GLMN: variants seen among roughly 807,000 people sequenced by gnomAD.
GLMN encodes glomulin, FKBP associated protein, also known as glomulin.
A neutral mutation model predicts 87.8 loss-of-function variants in GLMN; 75 were observed. That is an observed-to-expected ratio of 0.85 (90% CI 0.71 to 1.04). The LOEUF is 1.04. Among genes scored for constraint, GLMN ranks in the 50% least tolerant of loss-of-function variants. GLMN has a pLI of 0.00. For synonymous variants in GLMN, 206 were observed against 221.6 expected, an observed-to-expected ratio of 0.93 and a Z score of 0.63; for missense variants, 588 against 658.8, an observed-to-expected ratio of 0.89 and a Z score of 1.18.
chr1:92,264,187 C>T (rs1460922109), intron 14 of GLMN, among the ~76,000 whole-genome samples: 2 of 152,096 alleles, frequency 1.3e-5, no homozygotes, highest in East Asian at 1.9e-4. Context: ...CTGGTGGACA[C>T]CTGTAGTCCC....
chr1:92,300,663 A>G (rs1278576790), upstream of GLMN, among the ~76,000 whole-genome samples: 1 of 152,266 alleles, frequency 6.6e-6, no homozygotes, highest in Non-Finnish European at 1.5e-5. Flanking sequence ...ATATTACCAC[A>G]TATCACACAG....
At chr1:92,298,743 T>G (rs1445482985) in intron 1 of GLMN, among the ~76,000 whole-genome samples, 182 bp downstream of exon 1, 1 of 151,744 alleles carries the variant, frequency 6.6e-6, no homozygotes, top group African/African-American at 2.4e-5. Flanking sequence ...GGAAGGCGAG[T>G]GAACACCCCA....
the GLMN span, among the ~76,000 whole-genome samples, chr1:92,359,625 C>G: frequency 6.6e-6 from 1 of 152,200 alleles, no homozygotes; most frequent in African/African-American, 2.4e-5. Flanking sequence ...TGGCAATGCA[C>G]TTGGTTTTAT....
chr1:92,283,401 C>T (rs1648323244), intron 7 of GLMN, among the ~76,000 whole-genome samples: 1 of 152,138 alleles, frequency 6.6e-6, no homozygotes, highest in African/African-American at 2.4e-5. Flanking sequence ...CAGAAAAGGC[C>T]TTGGATAAAA....
the GLMN span, among the ~76,000 whole-genome samples, chr1:92,364,487 C>T: frequency 1.9e-3 from 284 of 152,170 alleles, 1 homozygote; most frequent in African/African-American, 6.1e-3. Context: ...TCTCCTAAAT[C>T]GTAGACCAAA....
the GLMN span, among the ~76,000 whole-genome samples, chr1:92,339,435 T>G: frequency 6.6e-6 from 1 of 151,368 alleles, no homozygotes; most frequent in Non-Finnish European, 1.5e-5. Context: ...TAGTCAAAGC[T>G]GAGAACCTAC....
chr1:92,344,576 A>T, the GLMN span, among the ~76,000 whole-genome samples: 2 of 151,320 alleles, frequency 1.3e-5, no homozygotes, highest in South Asian at 2.1e-4. Context: ...TTTAACACAC[A>T]TTTTTTTTAT....
the GLMN span, among the ~76,000 whole-genome samples, chr1:92,340,751 A>C: frequency 6.6e-6 from 1 of 152,188 alleles, no homozygotes; most frequent in Non-Finnish European, 1.5e-5. Flanking sequence ...CCCAGTGAAT[A>C]GAGCTGTCTT....
In GLMN at chr1:92,264,458, A is replaced by G. The variant is rs538913001; in HGVS notation, c.1299+96T>C. ...ATAATATTTAAGTAATAGTAATACT[A>G]GAGATAGAGCAATAACTCACATTAA... On this transcript the variant is annotated intron_variant, in intron 14 of 18. Coordinates refer to ENST00000370360, the MANE Select transcript of GLMN (RefSeq NM_053274.3). 1.9e-5 allele frequency: 13 copies of G among 691,780 alleles called. No individual in the cohort carries two copies. The East Asian group carries it at 3.5e-4, about 19-fold the overall frequency. 42.9% of individuals were successfully genotyped at this position (691,780 alleles called of 1,614,324 possible). A position where few individuals can be genotyped will look rare whatever the true frequency, so the allele number is the denominator to read the frequency against.
chr1:92,276,556 G>C (rs146964253), intron 7 of GLMN, among the ~76,000 whole-genome samples: 3 of 152,146 alleles, frequency 2.0e-5, no homozygotes, highest in Admixed American at 1.3e-4. Context: ...CAGCTACTTG[G>C]GAGGCTGAGG....
the GLMN span, among the ~76,000 whole-genome samples, chr1:92,368,334 G>A: frequency 1.3e-5 from 2 of 152,136 alleles, no homozygotes; most frequent in Non-Finnish European, 2.9e-5. Context: ...AGCCGAGATC[G>A]TGCCACTGCA....
chr1:92,281,071 T>C (rs1221997161), intron 7 of GLMN, among the ~76,000 whole-genome samples: 3 of 152,226 alleles, frequency 2.0e-5, no homozygotes, highest in Non-Finnish European at 2.9e-5. Context: ...AGAACTTCCA[T>C]AACCTAGCAA....
At chr1:92,338,753 C>T in the GLMN span, among the ~76,000 whole-genome samples, 43 of 151,422 alleles carry the variant, frequency 2.8e-4, no homozygotes, top group East Asian at 7.0e-3. Context: ...GGGCTCAAGC[C>T]GCAGCCTGGC....
chr1:92,313,022 C>T, the GLMN span, among the ~76,000 whole-genome samples: 1 of 152,124 alleles, frequency 6.6e-6, no homozygotes, highest in African/African-American at 2.4e-5. Context: ...TGCGCCACCA[C>T]ACCCGGCTTA....
chr1:92,366,721 T>C, the GLMN span, among the ~76,000 whole-genome samples: 1 of 152,216 alleles, frequency 6.6e-6, no homozygotes, highest in Admixed American at 6.5e-5. Context: ...TTATCTAACA[T>C]ACAGATAAAA....
intron 18 of GLMN, 84 bp downstream of exon 18, chr1:92,246,978 A>G: frequency 1.3e-6 from 1 of 794,956 alleles, no homozygotes; most frequent in East Asian, 2.4e-5. Flanking sequence ...AGCCACAATC[A>G]TGCCACTGCA....
At chr1:92,255,157 CAAAG>C (rs746610486) in intron 16 of GLMN, among the ~76,000 whole-genome samples, 22 of 150,746 alleles carry the variant, frequency 1.5e-4, no homozygotes, top group Admixed American at 4.6e-4. Context: ...TCAAAAAAGA[CAAAG>C]AAGGGCATTA....
At chr1:92,265,823 CAAT>C (rs1176483448) in intron 13 of GLMN, among the ~76,000 whole-genome samples, 1 of 152,164 alleles carries the variant, frequency 6.6e-6, no homozygotes. Flanking sequence ...CCAATTTTAT[CAAT>C]AAAGTTTTAC....
At chr1:92,294,928 CT>C (rs1413039223) in intron 3 of GLMN, among the ~76,000 whole-genome samples, 1 of 152,226 alleles carries the variant, frequency 6.6e-6, no homozygotes, top group African/African-American at 2.4e-5. Context: ...ATCCACCCGC[CT>C]CGGCCTCCCA....
Sources: allele counts gnomAD v4.1 joint callset (sites outside exome capture counted in the v4.1 genomes callset), GRCh38; gene constraint gnomAD v4.1.1; transcripts MANE v1.5; gene names NCBI Gene and HGNC (gene_info 2026-07-23, HGNC 2026-07-21).